PCDHGA1: variants seen among roughly 807,000 people sequenced by gnomAD.
The protein encoded by PCDHGA1 is protocadherin gamma subfamily A, 1, also known as protocadherin gamma-A1.
In PCDHGA1, 32 loss-of-function variants were observed where a neutral mutation model predicts 58.0. That is an observed-to-expected ratio of 0.55 (90% confidence interval 0.42 to 0.74). The LOEUF (loss-of-function observed/expected upper bound fraction) is 0.74, where lower values mean the gene tolerates loss of function less well. PCDHGA1 is among the 30% of genes least tolerant of loss of function. The pLI is 0.00. For synonymous variants in PCDHGA1, 498 were observed against 501.1 expected (o/e 0.99, Z 0.08); for missense variants, 1,205 against 1,182.3 (o/e 1.02, Z -0.28).
At chr5:141,488,660 G>A (rs1274725688) in intron 1 of PCDHGA1, among the ~76,000 whole-genome samples, 1 of 152,148 alleles carries the variant, frequency 6.6e-6, no homozygotes, top group East Asian at 1.9e-4. Flanking sequence ...GGGAGGGTGG[G>A]GGAATACATG....
intron 1 of PCDHGA1, chr5:141,371,092 C>T (rs1348283879): frequency 6.2e-7 from 1 of 1,613,802 alleles, no homozygotes. Context: ...GTAATTGTCG[C>T]AGATGCAAAT....
At chr5:141,509,081 A>G (rs1279221589) in intron 3 of PCDHGA1, among the ~76,000 whole-genome samples, 1 of 152,160 alleles carries the variant, frequency 6.6e-6, no homozygotes, top group African/African-American at 2.4e-5. Flanking sequence ...GATTTGCGAC[A>G]TGAAATGGGG....
Position 141,476,110 on chromosome 5 carries a change from G to A in PCDHGA1, c.2422-18697G>A. ...GACCCCGCTGAGAGGAACTGCTTTT[G>A]AGTGAGATGGTCCCAGAGGCCTGGA... On this transcript the variant is annotated intron_variant, in intron 1 of 3. Transcript: ENST00000517417. The surrounding 1 kb of genome is among the most constrained non-coding windows in gnomAD (Gnocchi z 7.6). 1.9e-6 allele frequency: 3 copies of A among 1,589,382 alleles called. No homozygotes were observed. The highest frequency in any genetic ancestry group is 2.6e-6 in the Non-Finnish European group (3 of 1,170,364).
chr5:141,465,583 A>G (rs1056902823), intron 1 of PCDHGA1, among the ~76,000 whole-genome samples: 10 of 152,162 alleles, frequency 6.6e-5, no homozygotes, highest in African/African-American at 2.4e-4. Flanking sequence ...ACACTCTCAT[A>G]ATAATCAGAT....
Position 141,389,969 on chromosome 5 carries a change from C to T in PCDHGA1, c.2421+56864C>T, listed in dbSNP as rs762168749. 10 of 1,614,042 alleles carry T rather than the reference C, an allele frequency of 6.2e-6. No individual in the cohort carries two copies. In the South Asian group the frequency reaches 1.1e-4, roughly 18 times the overall value. On this transcript the variant is annotated intron_variant, in intron 1 of 3. Coordinates refer to ENST00000517417, the MANE Select transcript of PCDHGA1 (RefSeq NM_018912.3). ...AGTTTTACCTAGTGGTGGCCTTGGC[C>T]TTGATCTCAGTGCTCTTCCTCGTGG...
rs1265422100 is a variant in PCDHGA1 at position 141,490,199 on chromosome 5, C to A, written c.2422-4608C>A. On this transcript the variant is annotated intron_variant, in intron 1 of 3. Transcript: ENST00000517417. This position sits in a 1 kb window ranked among gnomAD's most constrained non-coding sequence, Gnocchi z 5.4. The stretch of plus-strand genomic sequence containing the variant: ...GAGTCACGTTTCTATGAAATTCATG[C>A]AAGAGCCCGTGACCAGGGACAGCCT... The A allele has an allele frequency of 1.9e-6, 3 of 1,614,184 alleles. No homozygotes were observed. The highest frequency in any genetic ancestry group is 2.5e-6 in the Non-Finnish European group (3 of 1,180,024).
chr5:141,506,434 C>A lies in PCDHGA1; in HGVS notation c.2569+953C>A, dbSNP rs139627189. Among the ~76,000 whole-genome samples the A allele has an allele frequency of 8.5e-4, 112 of 131,752 alleles. 2 individuals are homozygous for A. The highest frequency in any genetic ancestry group is 3.3e-3 in the African/African-American group (107 of 32,408). 86.4% of individuals were successfully genotyped at this position (131,752 alleles called of 152,430 possible). ...TGCACTCCAGCCTGGGCAACAGTCT[C>A]GCTCTGTCTCAAAAAAAAAAAAAAA... On this transcript the variant is annotated intron_variant, in intron 3 of 3. Transcript: ENST00000517417.
At position 141,505,908 on chromosome 5, in the gene PCDHGA1, T is replaced by C. The variant is rs114551975; in HGVS notation, c.2569+427T>C. On this transcript the variant is annotated intron_variant, in intron 3 of 3. Coordinates refer to ENST00000517417, the MANE Select transcript of PCDHGA1 (RefSeq NM_018912.3). ...TTAAATGAGATGATACCACAAAGCATAGAGTTCTGGGCCTGGCGCTTGGAA... is the reference window on the plus strand; with the variant it reads ...TTAAATGAGATGATACCACAAAGCACAGAGTTCTGGGCCTGGCGCTTGGAA... 4.0e-3 allele frequency among the ~76,000 whole-genome samples: 608 copies of C among 152,218 alleles called. 3 individuals are homozygous for C. The highest frequency in any genetic ancestry group is 0.013 in the African/African-American group (551 of 41,540).
chr5:141,478,106 G>A (rs1474192496), intron 1 of PCDHGA1: 1 of 1,613,928 alleles, frequency 6.2e-7, no homozygotes, highest in Non-Finnish European at 8.5e-7. Context: ...TACCCTCACT[G>A]TGTCAGTAAC....
At chr5:141,340,989 C>A (rs1300552072) in intron 1 of PCDHGA1, 3 of 1,614,102 alleles carry the variant, frequency 1.9e-6, no homozygotes, top group South Asian at 2.2e-5. Context: ...GACATCCTGG[C>A]CGACCTGGGC....
intron 1 of PCDHGA1, chr5:141,385,331 C>T (rs1235160402): frequency 6.3e-7 from 1 of 1,585,046 alleles, no homozygotes; most frequent in African/African-American, 1.4e-5. Flanking sequence ...CAGGTGAGCC[C>T]AGCCCTTCCT....
chr5:141,371,092 C>A, intron 1 of PCDHGA1: 1 of 1,613,802 alleles, frequency 6.2e-7, no homozygotes, highest in Non-Finnish European at 8.5e-7. Context: ...GTAATTGTCG[C>A]AGATGCAAAT....
chr5:141,450,829 A>ATTT (rs373424450), intron 1 of PCDHGA1, among the ~76,000 whole-genome samples: 12,063 of 134,876 alleles, frequency 0.089, 619 homozygotes, highest in African/African-American at 0.14. Flanking sequence ...TATTATTATT[A>ATTT]TTTTTTTTTT....
At chr5:141,479,573 C>A (rs1468041584) in intron 1 of PCDHGA1, 1 of 152,230 alleles carries the variant, frequency 6.6e-6, no homozygotes, top group Admixed American at 6.5e-5. Flanking sequence ...GGGATGACAT[C>A]TGTGAATAGC....
chr5:141,432,586 C>T lies in PCDHGA1; in HGVS notation c.2422-62221C>T. The T allele has an allele frequency of 1.9e-6, 3 of 1,613,852 alleles. No homozygotes were observed. Among genetic ancestry groups the T allele is most frequent in the Non-Finnish European group, 2.5e-6 (3 of 1,179,972 alleles). On this transcript the variant is annotated intron_variant, in intron 1 of 3. Transcript: ENST00000517417. The surrounding 1 kb of genome is among the most constrained non-coding windows in gnomAD (Gnocchi z 6.0). ...ACGCCTGGCTGTCCTACCGTCTGCT[C>T]AAGGCCAGCGAGCCGGGACTCTTCT...
chr5:141,375,176 G>A (rs1430924979), intron 1 of PCDHGA1: 2 of 1,613,900 alleles, frequency 1.2e-6, no homozygotes, highest in African/African-American at 1.3e-5. Context: ...TCCAGGAACA[G>A]TAATCGCCCT....
intron 1 of PCDHGA1, chr5:141,420,300 C>T (rs773892933): frequency 1.6e-5 from 24 of 1,467,248 alleles, no homozygotes; most frequent in African/African-American, 2.8e-5. Context: ...TGTATTTAAT[C>T]CTTTTTATAT....
rs779750859 is a variant in PCDHGA1, at chr5:141,476,273, A to G, written c.2422-18534A>G. On this transcript the variant is annotated intron_variant, in intron 1 of 3. Transcript: ENST00000517417. The surrounding 1 kb of genome is among the most constrained non-coding windows in gnomAD (Gnocchi z 7.6). Reference sequence around the variant, plus strand: ...TTTCGCTGTGGGCAACGTGGTCGCGAACCTTGGTTTGGATCTCGGTAGCCT... The same window carrying G: ...TTTCGCTGTGGGCAACGTGGTCGCGGACCTTGGTTTGGATCTCGGTAGCCT... 6.2e-7 allele frequency: 1 copy of G among 1,613,964 alleles called. No individual in the cohort carries two copies. The highest frequency in any genetic ancestry group is 1.1e-5 in the South Asian group (1 of 91,064).
chr5:141,371,888 G>C (rs1464333099), intron 1 of PCDHGA1: 1 of 1,613,320 alleles, frequency 6.2e-7, no homozygotes, highest in East Asian at 2.2e-5. Context: ...ACCTGGAGCC[G>C]CGGGAGCTGT....
Sources: allele counts gnomAD v4.1 joint callset (sites outside exome capture counted in the v4.1 genomes callset), GRCh38; gene constraint gnomAD v4.1.1; non-coding constraint Gnocchi (gnomAD v3.1); transcripts MANE v1.5; gene names NCBI Gene and HGNC (gene_info 2026-07-23, HGNC 2026-07-21).